The following BMPR2 variants were observed in gnomAD, a reference collection of about 807,000 sequenced individuals.
BMPR2 encodes bone morphogenetic protein receptor type-2.
In BMPR2, 29 loss-of-function variants were observed where a neutral mutation model predicts 100.8. That is an observed-to-expected ratio of 0.29 (90% CI 0.21 to 0.39). BMPR2 has a LOEUF of 0.39. Ranked by LOEUF, BMPR2 falls within the 10% of genes least tolerant of loss-of-function variation. The probability of loss-of-function intolerance (pLI) is 1.00; values close to 1 mark genes in which losing one functional copy is unlikely to be tolerated. For synonymous variants in BMPR2, 382 were observed against 442.3 expected (o/e 0.86, Z 1.71); for missense variants, 1,011 against 1,274.5 (o/e 0.79, Z 3.15).
At chr2:202,389,981 G>C (rs1172611126) in intron 1 of BMPR2, among the ~76,000 whole-genome samples, 10 of 140,506 alleles carry the variant, frequency 7.1e-5, no homozygotes, top group Non-Finnish European at 1.4e-4. Flanking sequence ...GTGAAGTGTA[G>C]AAATGATAAT....
intron 1 of BMPR2, among the ~76,000 whole-genome samples, chr2:202,446,584 C>T (rs1691853567): frequency 6.7e-6 from 1 of 149,998 alleles, no homozygotes; most frequent in East Asian, 1.9e-4. Context: ...TATATGAATA[C>T]TCATGATCCT....
intron 3 of BMPR2, among the ~76,000 whole-genome samples, chr2:202,491,217 C>A (rs1270780180): frequency 6.6e-6 from 1 of 152,056 alleles, no homozygotes. Context: ...CCACTACACC[C>A]GGCTAATCTT....
chr2:202,453,525 G>T (rs1692030527), intron 1 of BMPR2, among the ~76,000 whole-genome samples: 1 of 152,082 alleles, frequency 6.6e-6, no homozygotes, highest in South Asian at 2.1e-4. Flanking sequence ...TGGATTGGAG[G>T]ACATTATGTT....
chr2:202,461,186 C>T (rs943647992), intron 1 of BMPR2, among the ~76,000 whole-genome samples: 2 of 151,340 alleles, frequency 1.3e-5, no homozygotes, highest in African/African-American at 4.8e-5. Flanking sequence ...ATCAAAAACA[C>T]ATATAATAAA....
chr2:202,453,548 C>G (rs1289021802), intron 1 of BMPR2, among the ~76,000 whole-genome samples: 1 of 152,086 alleles, frequency 6.6e-6, no homozygotes, highest in Non-Finnish European at 1.5e-5. Context: ...GTGAAATAAG[C>G]TAGGCACAGA....
At chr2:202,456,704 G>A (rs1481298775) in intron 1 of BMPR2, among the ~76,000 whole-genome samples, 1 of 151,678 alleles carries the variant, frequency 6.6e-6, no homozygotes, top group African/African-American at 2.4e-5. Flanking sequence ...TAGAAGAGAC[G>A]GGGTTTCACC....
chr2:202,498,694 A>G (rs2105988907), intron 3 of BMPR2, among the ~76,000 whole-genome samples: 1 of 152,252 alleles, frequency 6.6e-6, no homozygotes, highest in East Asian at 1.9e-4. Context: ...ATTGGGACCA[A>G]TTTGACCCAC....
chr2:202,547,784 A>G (rs897875817), intron 10 of BMPR2, among the ~76,000 whole-genome samples: 1 of 137,716 alleles, frequency 7.3e-6, no homozygotes, highest in East Asian at 2.2e-4. Context: ...TCCATCACAA[A>G]AAAAAAAAAA....
intron 8 of BMPR2, 26 bp downstream of exon 8, chr2:202,530,980 C>T (rs762729395): frequency 1.9e-6 from 3 of 1,612,754 alleles, no homozygotes; most frequent in East Asian, 4.5e-5. Context: ...AGGTATCACA[C>T]TGATGTACTT....
chr2:202,532,791 T>C lies in BMPR2; in HGVS notation c.1276+59T>C, dbSNP rs1404081517. The C allele has an allele frequency of 4.5e-6, 7 of 1,563,408 alleles. No individual in the cohort carries two copies. The highest frequency in any genetic ancestry group is 6.1e-6 in the Non-Finnish European group (7 of 1,146,184). On this transcript the variant is annotated intron_variant, in intron 9 of 12. Coordinates refer to ENST00000374580, the MANE Select transcript of BMPR2 (RefSeq NM_001204.7). The surrounding 1 kb of genome is among the most constrained non-coding windows in gnomAD (Gnocchi z 4.1). ...AAGTGAAGCAGTTATATCTTCTTTC[T>C]CTACCTATAGTACCTAACTCAACTT...
At chr2:202,544,415 A>T (rs531328116) in intron 10 of BMPR2, among the ~76,000 whole-genome samples, 194 of 152,278 alleles carry the variant, frequency 1.3e-3, no homozygotes, top group African/African-American at 4.5e-3. Flanking sequence ...GCTGGATAAT[A>T]GTTTCAATAT....
chr2:202,483,933 T>G (rs1480965269), intron 3 of BMPR2, among the ~76,000 whole-genome samples: 1 of 151,878 alleles, frequency 6.6e-6, no homozygotes, highest in Non-Finnish European at 1.5e-5. Flanking sequence ...CTCTGAAAAA[T>G]AAAAAGAAAA....
At chr2:202,531,173 C>T (rs1486458547) in intron 8 of BMPR2, among the ~76,000 whole-genome samples, 4 of 152,194 alleles carry the variant, frequency 2.6e-5, no homozygotes, top group African/African-American at 9.6e-5. Flanking sequence ...CACAGTGGCA[C>T]GCACCTGTAA....
At position 202,457,559 on chromosome 2, in the gene BMPR2, TATAGAGAG is replaced by T. The variant is rs1488565210; in HGVS notation, c.77-7248_77-7241del. ...GCAATATTTTATATATATATATATA[TATAGAGAG>T]AGAGAGAGAGAGAGAGAGAGAGAGA... On this transcript the variant is annotated intron_variant, in intron 1 of 12. Coordinates refer to ENST00000374580, the MANE Select transcript of BMPR2 (RefSeq NM_001204.7). Among the ~76,000 whole-genome samples, 333 of 89,054 alleles carry T rather than the reference TATAGAGAG, an allele frequency of 3.7e-3. 4 individuals carry two copies. The highest frequency in any genetic ancestry group is 0.014 in the African/African-American group (248 of 18,034). 58.4% of individuals were successfully genotyped at this position (89,054 alleles called of 152,430 possible). A position where few individuals can be genotyped will look rare whatever the true frequency, so the allele number is the denominator to read the frequency against.
At chr2:202,456,280 G>A (rs1407015581) in intron 1 of BMPR2, among the ~76,000 whole-genome samples, 2 of 140,720 alleles carry the variant, frequency 1.4e-5, no homozygotes, top group East Asian at 2.3e-4. Context: ...CAAATGATTC[G>A]CCTGCCTCAG....
chr2:202,389,740 C>G (rs970243600), intron 1 of BMPR2, among the ~76,000 whole-genome samples: 2 of 151,014 alleles, frequency 1.3e-5, no homozygotes, highest in Non-Finnish European at 2.9e-5. Flanking sequence ...CTCCTGGGTT[C>G]AAGTGATTCT....
At chr2:202,533,922 G>C (rs143582305) in intron 9 of BMPR2, among the ~76,000 whole-genome samples, 1 of 152,090 alleles carries the variant, frequency 6.6e-6, no homozygotes, top group Non-Finnish European at 1.5e-5. Context: ...GGATTACATC[G>C]TTGTAGTATC....
In BMPR2 at chr2:202,444,872, T is replaced by C. The variant is rs1388488562; in HGVS notation, c.77-19937T>C. On this transcript the variant is annotated intron_variant, in intron 1 of 12. Transcript: ENST00000374580. ...GGCACGATCTGAGCTCACTGCATCC[T>C]CCGCCTCCCGGGTTCAAGCAATTCT... 1.3e-5 allele frequency among the ~76,000 whole-genome samples: 2 copies of C among 150,832 alleles called. 1 individual carries two copies. The highest frequency in any genetic ancestry group is 5.0e-5 in the African/African-American group (2 of 40,118).
chr2:202,500,333 C>T (rs1003822518), intron 3 of BMPR2, among the ~76,000 whole-genome samples: 19 of 152,324 alleles, frequency 1.2e-4, no homozygotes, highest in African/African-American at 4.1e-4. Flanking sequence ...GCTCTTTTCA[C>T]ATGCCTTTCT....
Sources: allele counts gnomAD v4.1 joint callset (sites outside exome capture counted in the v4.1 genomes callset), GRCh38; gene constraint gnomAD v4.1.1; non-coding constraint Gnocchi (gnomAD v3.1); transcripts MANE v1.5; gene names NCBI Gene and HGNC (gene_info 2026-07-23, HGNC 2026-07-21).